The following CALD1 variants were observed in gnomAD, a reference collection of about 807,000 sequenced individuals.
The protein encoded by CALD1 is caldesmon 1.
A neutral mutation model predicts 99.9 loss-of-function variants in CALD1; 33 were observed. The ratio of observed to expected loss-of-function variants is 0.33; its 90% CI spans 0.25 to 0.44. The LOEUF (loss-of-function observed/expected upper bound fraction) is 0.44, where lower values mean the gene tolerates loss of function less well. Among genes scored for constraint, CALD1 ranks in the 20% least tolerant of loss-of-function variants. CALD1 has a pLI of 1.00. For synonymous variants in CALD1, 310 were observed against 325.0 expected, an observed-to-expected ratio of 0.95 and a Z score of 0.50; for missense variants, 861 against 962.1, an observed-to-expected ratio of 0.89 and a Z score of 1.39.
At chr7:134,790,520 C>T (rs914891210) in intron 1 of CALD1, among the ~76,000 whole-genome samples, 8 of 152,130 alleles carry the variant, frequency 5.3e-5, no homozygotes, top group African/African-American at 1.9e-4. Flanking sequence ...CGTAACCAGT[C>T]ATTATAATTT....
At chr7:134,741,840 T>C (rs1023613835), upstream of CALD1, among the ~76,000 whole-genome samples, 1 of 152,248 alleles carries the variant, frequency 6.6e-6, no homozygotes, top group Non-Finnish European at 1.5e-5. Flanking sequence ...TGAAACTTTA[T>C]GTTTATTCAC....
chr7:134,927,275 T>C (rs1231299549), intron 3 of CALD1, among the ~76,000 whole-genome samples: 1 of 152,182 alleles, frequency 6.6e-6, no homozygotes, highest in Admixed American at 6.5e-5. Flanking sequence ...CATAGTGATA[T>C]TGATTTGTAA....
chr7:134,823,425 T>C (rs1545512), intron 1 of CALD1, among the ~76,000 whole-genome samples: 6,842 of 152,266 alleles, frequency 0.045, 496 homozygotes, highest in African/African-American at 0.15. Flanking sequence ...CAGCAATAGA[T>C]AAAGCATGGA....
chr7:134,930,523 T>TA (rs1805444742), intron 4 of CALD1, among the ~76,000 whole-genome samples: 1 of 152,166 alleles, frequency 6.6e-6, no homozygotes, highest in Admixed American at 6.5e-5. Context: ...TGAGAGGCTG[T>TA]ATTAGAAGGT....
upstream of CALD1, among the ~76,000 whole-genome samples, chr7:134,742,823 T>A (rs917521168): frequency 2.6e-5 from 4 of 152,172 alleles, no homozygotes; most frequent in Non-Finnish European, 5.9e-5. Context: ...TAAATGAGCA[T>A]CATCTCCCTG....
At chr7:134,899,365 G>A (rs1445658014) in intron 3 of CALD1, among the ~76,000 whole-genome samples, 2 of 151,908 alleles carry the variant, frequency 1.3e-5, no homozygotes, top group Non-Finnish European at 2.9e-5. Context: ...CACCACACCT[G>A]GCTAATTTTC....
intron 3 of CALD1, among the ~76,000 whole-genome samples, chr7:134,911,124 C>T (rs949305124): frequency 1.3e-5 from 2 of 152,036 alleles, no homozygotes; most frequent in Admixed American, 1.3e-4. Context: ...AGGCTGCCGC[C>T]GCCACTCCTC....
intron 6 of CALD1, 133 bp downstream of exon 6, chr7:134,935,898 C>G: frequency 1.2e-6 from 1 of 815,518 alleles, no homozygotes; most frequent in Non-Finnish European, 1.9e-6. Flanking sequence ...TCACAGTCCA[C>G]TGAATAGTGA....
upstream of CALD1, chr7:134,779,556 T>C (rs933525822): frequency 7.6e-6 from 3 of 396,212 alleles, no homozygotes; most frequent in East Asian, 3.6e-5. Context: ...ACTGTAAACA[T>C]AGGGGATATG....
At chr7:134,856,901 C>A (rs1172576143) in intron 2 of CALD1, among the ~76,000 whole-genome samples, 1 of 152,114 alleles carries the variant, frequency 6.6e-6, no homozygotes, top group African/African-American at 2.4e-5. Context: ...TAAACACTGC[C>A]CTGGCATCTG....
the CALD1 span, among the ~76,000 whole-genome samples, chr7:134,713,290 C>T: frequency 6.6e-6 from 1 of 152,180 alleles, no homozygotes; most frequent in African/African-American, 2.4e-5. Context: ...CTGACCTAGC[C>T]CCTATTCCTT....
chr7:134,769,446 C>A (rs1486789424), intron 1 of CALD1, among the ~76,000 whole-genome samples: 1 of 152,088 alleles, frequency 6.6e-6, no homozygotes, highest in African/African-American at 2.4e-5. Context: ...CTTTACCAAT[C>A]TGGTTGTCAT....
chr7:134,915,310 T>C (rs1804125334), intron 3 of CALD1, among the ~76,000 whole-genome samples: 1 of 152,228 alleles, frequency 6.6e-6, no homozygotes. Context: ...GGGAGAGGAA[T>C]GTATACCAGA....
intron 1 of CALD1, among the ~76,000 whole-genome samples, chr7:134,750,152 A>G (rs1306391104): frequency 6.6e-6 from 1 of 151,842 alleles, no homozygotes; most frequent in Non-Finnish European, 1.5e-5. Flanking sequence ...TGCAAACTAG[A>G]TTTAGTTGCT....
chr7:134,805,515 C>T (rs13362829), intron 1 of CALD1, among the ~76,000 whole-genome samples: 45,972 of 151,930 alleles, frequency 0.3, 7,301 homozygotes, highest in African/African-American at 0.37. Context: ...ATTTTCAGTG[C>T]CTTTCTGCCC....
At chr7:134,819,005 C>T (rs886941002) in intron 1 of CALD1, among the ~76,000 whole-genome samples, 1 of 152,124 alleles carries the variant, frequency 6.6e-6, no homozygotes, top group Non-Finnish European at 1.5e-5. Context: ...CCAAATTGGC[C>T]ACGCTAAACC....
At chr7:134,902,719 C>T (rs186800549) in intron 3 of CALD1, among the ~76,000 whole-genome samples, 5 of 152,272 alleles carry the variant, frequency 3.3e-5, no homozygotes, top group South Asian at 2.1e-4. Context: ...GGTGGACTGC[C>T]GCTTCAGTGT....
At chr7:134,732,545 T>C in the CALD1 span, among the ~76,000 whole-genome samples, 100,186 of 151,696 alleles carry the variant, frequency 0.66, 33,585 homozygotes, top group East Asian at 0.89. Flanking sequence ...CAGGCCCTCA[T>C]CAGACACTGG....
chr7:134,927,637 G>C (rs1805137270), intron 3 of CALD1, among the ~76,000 whole-genome samples: 1 of 145,472 alleles, frequency 6.9e-6, no homozygotes, highest in East Asian at 2.1e-4. Context: ...TCAGCTCATA[G>C]ACATCTATCT....
Sources: gnomAD v4.1 joint callset for allele counts (sites outside exome capture counted in the v4.1 genomes callset) on GRCh38, gnomAD v4.1.1 for gene constraint, MANE v1.5 for transcripts, NCBI Gene and HGNC (gene_info 2026-07-23, HGNC 2026-07-21) for gene names.